The following LAMA2 variants were observed in gnomAD, a reference collection of about 807,000 sequenced individuals.
The protein encoded by LAMA2 is laminin subunit alpha 2, also known as laminin subunit alpha-2.
LAMA2 carries 269 observed loss-of-function variants against 364.8 expected under a neutral mutation model. The observed-to-expected ratio is 0.74, with a 90% CI of 0.67 to 0.82. The LOEUF (loss-of-function observed/expected upper bound fraction) is 0.82. LAMA2 is among the 40% of genes least tolerant of loss of function. LAMA2 has a pLI of 0.00. For synonymous variants in LAMA2, 1,379 were observed against 1,370.6 expected (o/e 1.01, Z -0.14); for missense variants, 3,807 against 3,873.2 (o/e 0.98, Z 0.45).
intron 1 of LAMA2, among the ~76,000 whole-genome samples, chr6:129,014,363 T>C (rs140216414): frequency 6.6e-6 from 1 of 152,332 alleles, no homozygotes; most frequent in Non-Finnish European, 1.5e-5. Flanking sequence ...ACCATTTCAG[T>C]TGACAGGTCT....
At chr6:129,326,339 T>C (rs1350802564) in intron 28 of LAMA2, among the ~76,000 whole-genome samples, 2 of 152,244 alleles carry the variant, frequency 1.3e-5, no homozygotes, top group African/African-American at 2.4e-5. Context: ...CGCTTGTCTA[T>C]TGTGTCAGGC....
chr6:129,206,220 T>A (rs1293633488), intron 12 of LAMA2, among the ~76,000 whole-genome samples: 9 of 152,152 alleles, frequency 5.9e-5, no homozygotes. Flanking sequence ...GTATGACTAC[T>A]ATTTGTCTTT....
chr6:129,306,629 C>G (rs996968953), intron 22 of LAMA2, among the ~76,000 whole-genome samples: 20 of 151,610 alleles, frequency 1.3e-4, no homozygotes, highest in African/African-American at 4.1e-4. Context: ...TCCCCCATCT[C>G]ACTGAGGTTC....
intron 1 of LAMA2, among the ~76,000 whole-genome samples, chr6:128,904,278 A>G (rs189073429): frequency 7.9e-5 from 12 of 152,188 alleles, no homozygotes; most frequent in African/African-American, 2.6e-4. Flanking sequence ...TGTCCTGTTC[A>G]TTACTTACAG....
rs554457593 is a variant in LAMA2, at chr6:128,937,890, TC to T, written c.112+54534del. Among the ~76,000 whole-genome samples the T allele has an allele frequency of 2.6e-5, 4 of 152,054 alleles. No individual in the cohort carries two copies. In the South Asian group the frequency reaches 8.3e-4, roughly 32 times the overall value. On this transcript the variant is annotated intron_variant, in intron 1 of 64. Transcript: ENST00000421865. ...ATAAAGTTAAGTTGTTCATTTTAGATCTTTTTTTTTAATATAGGCATTTATC... is the reference window on the plus strand; with the variant it reads ...ATAAAGTTAAGTTGTTCATTTTAGATTTTTTTTTTAATATAGGCATTTATC...
At chr6:129,067,443 A>G (rs116577332) in intron 3 of LAMA2, among the ~76,000 whole-genome samples, 1,860 of 152,330 alleles carry the variant, frequency 0.012, 39 homozygotes, top group African/African-American at 0.043. Flanking sequence ...TTTGGTGTCT[A>G]TATTGAAGAA....
chr6:129,470,085 T>C (rs1020616546), intron 51 of LAMA2, among the ~76,000 whole-genome samples: 4 of 151,894 alleles, frequency 2.6e-5, no homozygotes, highest in Non-Finnish European at 4.4e-5. Context: ...TATAGCATGT[T>C]AATTATTCCT....
intron 3 of LAMA2, among the ~76,000 whole-genome samples, chr6:129,075,201 C>T (rs766341239): frequency 4.6e-5 from 7 of 151,900 alleles, no homozygotes; most frequent in Non-Finnish European, 7.4e-5. Context: ...CAGAAAATAC[C>T]AGTCATAGAA....
chr6:129,307,171 G>A (rs1773928310), intron 22 of LAMA2, among the ~76,000 whole-genome samples: 1 of 152,190 alleles, frequency 6.6e-6, no homozygotes, highest in African/African-American at 2.4e-5. Context: ...AGGTGCAGCA[G>A]AACAGTCTGA....
chr6:129,030,335 G>T (rs1429610503), intron 1 of LAMA2, among the ~76,000 whole-genome samples: 1 of 152,052 alleles, frequency 6.6e-6, no homozygotes, highest in Non-Finnish European at 1.5e-5. Context: ...AAGGGTCCTT[G>T]ACTATGTTGT....
intron 1 of LAMA2, among the ~76,000 whole-genome samples, chr6:129,034,413 C>T (rs977576464): frequency 6.6e-6 from 1 of 151,890 alleles, no homozygotes; most frequent in Non-Finnish European, 1.5e-5. Context: ...CCTGATGTAG[C>T]CATTAGTGTT....
At chr6:129,332,279 A>T (rs569155107) in intron 29 of LAMA2, among the ~76,000 whole-genome samples, 6 of 152,200 alleles carry the variant, frequency 3.9e-5, no homozygotes, top group African/African-American at 1.2e-4. Context: ...CCCTTGATAC[A>T]TTATTGTATC....
rs570782031 is a variant in LAMA2 at position 128,952,666 on chromosome 6, G to A, written c.112+69309G>A. ...AGAGTCACACTTTTATATTAATAGT[G>A]ATAATATTATTAACACTGTTGGATT... On this transcript the variant is annotated intron_variant, in intron 1 of 64. Coordinates refer to ENST00000421865, the MANE Select transcript of LAMA2 (RefSeq NM_000426.4). Among the ~76,000 whole-genome samples the A allele has an allele frequency of 1.4e-4, 22 of 152,214 alleles. No individual in the cohort carries two copies. In the South Asian group the frequency reaches 3.5e-3, roughly 24 times the overall value.
chr6:128,946,689 A>C lies in LAMA2; in HGVS notation c.112+63332A>C, dbSNP rs113221055. On this transcript the variant is annotated intron_variant, in intron 1 of 64. Transcript: ENST00000421865. ...TATATAGTCAATACTTCTTGATTTG[A>C]AAAAGGATTGGATGATAATAGAAGT... Among the ~76,000 whole-genome samples, 1,077 of 152,306 alleles carry C rather than the reference A, an allele frequency of 7.1e-3. 12 individuals are homozygous for C. The highest frequency in any genetic ancestry group is 0.024 in the African/African-American group (1,014 of 41,564).
rs747410822 is a variant in LAMA2, at chr6:129,438,602, A to T, written c.5969-44A>T. ...TGCACATCCAAGTATAAGCTCAGGG[A>T]TGATAAAACTTATTTAATCCTTTTT... On this transcript the variant is annotated intron_variant, in intron 41 of 64. Coordinates refer to ENST00000421865, the MANE Select transcript of LAMA2 (RefSeq NM_000426.4). 3 of 938,936 alleles carry T rather than the reference A, an allele frequency of 3.2e-6. No individual in the cohort carries two copies. The South Asian group carries it at 3.9e-5, about 12-fold the overall frequency. The allele number at this position is 938,936 out of a possible 1,614,324, so 58.2% of individuals were successfully genotyped here.
intron 12 of LAMA2, among the ~76,000 whole-genome samples, chr6:129,230,979 A>C (rs957570845): frequency 6.6e-6 from 1 of 152,116 alleles, no homozygotes; most frequent in African/African-American, 2.4e-5. Flanking sequence ...TCCTTGGCCT[A>C]AAGGATAAAG....
At chr6:129,299,541 TTAAGA>T (rs1462815975) in intron 21 of LAMA2, among the ~76,000 whole-genome samples, 1 of 152,172 alleles carries the variant, frequency 6.6e-6, no homozygotes, top group African/African-American at 2.4e-5. Flanking sequence ...GAAGAACTAC[TTAAGA>T]TAATTTCTAT....
At chr6:129,061,871 C>T (rs1469027328) in intron 3 of LAMA2, among the ~76,000 whole-genome samples, 1 of 152,216 alleles carries the variant, frequency 6.6e-6, no homozygotes, top group Non-Finnish European at 1.5e-5. Context: ...TGGTGTCCAT[C>T]CATATCCTTA....
intron 3 of LAMA2, among the ~76,000 whole-genome samples, chr6:129,089,041 C>T (rs1422280763): frequency 1.3e-5 from 2 of 152,204 alleles, no homozygotes; most frequent in East Asian, 1.9e-4. Flanking sequence ...ACTGAGTGAA[C>T]GAGACTCCGT....
Sources: gnomAD v4.1 joint callset for allele counts (sites outside exome capture counted in the v4.1 genomes callset) on GRCh38, gnomAD v4.1.1 for gene constraint, MANE v1.5 for transcripts, NCBI Gene and HGNC (gene_info 2026-07-23, HGNC 2026-07-21) for gene names.